Variants in CAPZB observed in about 807,000 individuals in gnomAD.
CAPZB encodes the protein F-actin-capping protein subunit beta.
In CAPZB, 2 loss-of-function variants were observed where a neutral mutation model predicts 38.1. That is an observed-to-expected ratio of 0.05 (90% CI 0.02 to 0.17). The LOEUF is 0.17. Among genes scored for constraint, CAPZB ranks in the 10% least tolerant of loss-of-function variants. The probability of loss-of-function intolerance (pLI) is 1.00; values close to 1 mark genes in which losing one functional copy is unlikely to be tolerated. For synonymous variants in CAPZB, 107 were observed against 127.4 expected (o/e 0.84, Z 1.08); for missense variants, 161 against 334.2 (o/e 0.48, Z 4.04).
chr1:19,366,301 T>TAC (rs1558189851), intron 4 of CAPZB, among the ~76,000 whole-genome samples: 1 of 106,006 alleles, frequency 9.4e-6, no homozygotes, highest in African/African-American at 4.6e-5. Context: ...TATATATATA[T>TAC]ATATATATAA....
At chr1:19,394,749 A>C (rs1234321465) in intron 2 of CAPZB, among the ~76,000 whole-genome samples, 3 of 152,104 alleles carry the variant, frequency 2.0e-5, no homozygotes, top group Non-Finnish European at 4.4e-5. Flanking sequence ...AACAAACAAA[A>C]AAAGTGAGCA....
chr1:19,437,498 T>A (rs1290132860), intron 1 of CAPZB, among the ~76,000 whole-genome samples: 1 of 152,214 alleles, frequency 6.6e-6, no homozygotes, highest in Non-Finnish European at 1.5e-5. Context: ...CATCAATTGC[T>A]TCCTGTCTTC....
At chr1:19,475,380 C>T (rs900997215) in intron 1 of CAPZB, among the ~76,000 whole-genome samples, 3 of 152,180 alleles carry the variant, frequency 2.0e-5, no homozygotes, top group Non-Finnish European at 4.4e-5. Flanking sequence ...ATAGAAACTC[C>T]AAGAAAGCCA....
At chr1:19,358,993 C>G (rs1024713163) in intron 4 of CAPZB, among the ~76,000 whole-genome samples, 2 of 152,306 alleles carry the variant, frequency 1.3e-5, no homozygotes, top group African/African-American at 4.8e-5. Flanking sequence ...AAGGGACCAG[C>G]GGTGTGAATA....
intron 1 of CAPZB, among the ~76,000 whole-genome samples, chr1:19,424,098 C>G (rs1219049051): frequency 6.6e-6 from 1 of 152,178 alleles, no homozygotes; most frequent in African/African-American, 2.4e-5. Flanking sequence ...AGGCGTGAGC[C>G]ACTGCACCTG....
chr1:19,467,307 A>G (rs942305220), intron 1 of CAPZB, among the ~76,000 whole-genome samples: 5 of 152,226 alleles, frequency 3.3e-5, no homozygotes, highest in Non-Finnish European at 4.4e-5. Flanking sequence ...CCTGCAGTGC[A>G]GCAGGCTAAA....
intron 2 of CAPZB, among the ~76,000 whole-genome samples, chr1:19,397,140 C>G (rs987843965): frequency 1.3e-5 from 2 of 152,032 alleles, no homozygotes; most frequent in East Asian, 3.9e-4. Context: ...ATAGTGAAAC[C>G]AAATTTTTGT....
chr1:19,364,297 G>GATTTGGT (rs1553270446), intron 4 of CAPZB, among the ~76,000 whole-genome samples: 1 of 152,172 alleles, frequency 6.6e-6, no homozygotes, highest in Non-Finnish European at 1.5e-5. Flanking sequence ...GTTGCATCAG[G>GATTTGGT]GCCTGTATGA....
rs1462327216 is a variant in CAPZB, at chr1:19,351,633, TG to T, written c.588+5001del. 4.6e-5 allele frequency among the ~76,000 whole-genome samples: 7 copies of T among 152,268 alleles called. No homozygotes were observed. The East Asian group carries it at 1.4e-3, about 29-fold the overall frequency. On this transcript the variant is annotated intron_variant, in intron 6 of 8. Coordinates refer to ENST00000264202, the MANE Select transcript of CAPZB (RefSeq NM_004930.5). ...TTATCAACACTGAGTTTCAAAGAGG[TG>T]GAGGTCTGTCTAGGTCACACAGCTG...
At chr1:19,348,947 G>A (rs2093977277) in intron 6 of CAPZB, among the ~76,000 whole-genome samples, 1 of 152,152 alleles carries the variant, frequency 6.6e-6, no homozygotes, top group African/African-American at 2.4e-5. Flanking sequence ...GGCATGCTCT[G>A]GCAAGTCATC....
chr1:19,440,696 C>G (rs1052547354), intron 1 of CAPZB, among the ~76,000 whole-genome samples: 1 of 152,140 alleles, frequency 6.6e-6, no homozygotes, highest in Non-Finnish European at 1.5e-5. Flanking sequence ...ATCCGTGCAC[C>G]CAACGCTACT....
At chr1:19,366,439 G>A (rs1215599484) in intron 4 of CAPZB, among the ~76,000 whole-genome samples, 2 of 151,396 alleles carry the variant, frequency 1.3e-5, no homozygotes, top group South Asian at 2.1e-4. Context: ...CTATAATCCC[G>A]GCACTTTGGG....
At chr1:19,345,139 C>T in intron 7 of CAPZB, 48 bp downstream of exon 7, 2 of 1,441,606 alleles carry the variant, frequency 1.4e-6, no homozygotes, top group East Asian at 2.3e-5. Context: ...GCTGCAGTGT[C>T]ACTGCTGTGG....
chr1:19,340,314 C>T (rs2268813), intron 8 of CAPZB, among the ~76,000 whole-genome samples: 41,331 of 152,056 alleles, frequency 0.27, 5,681 homozygotes, highest in East Asian at 0.34. Flanking sequence ...CCCCTCAGCC[C>T]GGATTGCAAA....
At chr1:19,480,673 C>G (rs2094625020) in intron 1 of CAPZB, among the ~76,000 whole-genome samples, 1 of 152,226 alleles carries the variant, frequency 6.6e-6, no homozygotes, top group Non-Finnish European at 1.5e-5. Flanking sequence ...GGGGGTTCCA[C>G]TGGCACAAAC....
intron 1 of CAPZB, among the ~76,000 whole-genome samples, chr1:19,483,014 T>G (rs753606194): frequency 9.9e-5 from 15 of 152,126 alleles, no homozygotes; most frequent in Non-Finnish European, 1.6e-4. Flanking sequence ...AAGAGAACAT[T>G]CCAAGTGGTT....
At chr1:19,447,495 A>G (rs2094500631) in intron 1 of CAPZB, among the ~76,000 whole-genome samples, 1 of 151,058 alleles carries the variant, frequency 6.6e-6, no homozygotes, top group African/African-American at 2.4e-5. Flanking sequence ...TCGGCCTCCT[A>G]AAGTGCTGGG....
At chr1:19,341,188 C>T (rs1261241660) in intron 8 of CAPZB, among the ~76,000 whole-genome samples, 1 of 152,232 alleles carries the variant, frequency 6.6e-6, no homozygotes, top group Non-Finnish European at 1.5e-5. Flanking sequence ...GGGAAATACA[C>T]GTTTCTGAGT....
intron 2 of CAPZB, among the ~76,000 whole-genome samples, chr1:19,406,326 T>G (rs893682076): frequency 6.6e-6 from 1 of 152,172 alleles, no homozygotes; most frequent in African/African-American, 2.4e-5. Flanking sequence ...GCTTGGCAGC[T>G]GGCAGCTGGG....
Sources: allele counts gnomAD v4.1 joint callset (sites outside exome capture counted in the v4.1 genomes callset), GRCh38; gene constraint gnomAD v4.1.1; transcripts MANE v1.5; gene names NCBI Gene and HGNC (gene_info 2026-07-23, HGNC 2026-07-21).